Variants in SBK1 observed in about 807,000 individuals in gnomAD.
SBK1 encodes the protein SH3 domain binding kinase 1, also known as serine/threonine-protein kinase SBK1.
SBK1 carries 11 observed loss-of-function variants against 24.4 expected under a neutral mutation model. The observed-to-expected ratio is 0.45, with a 90% CI of 0.28 to 0.75. The LOEUF (loss-of-function observed/expected upper bound fraction) is 0.75. Among genes scored for constraint, SBK1 ranks in the 30% least tolerant of loss-of-function variants. The pLI is 0.12. For synonymous variants in SBK1, 308 were observed against 284.4 expected, an observed-to-expected ratio of 1.08 and a Z score of -0.83; for missense variants, 467 against 620.5, an observed-to-expected ratio of 0.75 and a Z score of 2.63.
intron 1 of SBK1, among the ~76,000 whole-genome samples, chr16:28,264,838 C>T (rs924446866): frequency 4.0e-5 from 6 of 151,898 alleles, no homozygotes; most frequent in Non-Finnish European, 7.4e-5. Context: ...GAGAAGCCAG[C>T]GAGGGAGGCA....
At chr16:28,271,196 T>G (rs1013361028) in intron 1 of SBK1, among the ~76,000 whole-genome samples, 3 of 152,092 alleles carry the variant, frequency 2.0e-5, no homozygotes, top group Non-Finnish European at 4.4e-5. Flanking sequence ...TACTGGAGGA[T>G]GTACTCCACT....
intron 1 of SBK1, among the ~76,000 whole-genome samples, chr16:28,279,139 G>A (rs1288677368): frequency 4.0e-5 from 6 of 151,660 alleles, no homozygotes; most frequent in Non-Finnish European, 8.8e-5. Flanking sequence ...CCCAAGAGGC[G>A]GAGGTTGCAG....
intron 1 of SBK1, among the ~76,000 whole-genome samples, chr16:28,262,473 C>G (rs907294239): frequency 2.6e-5 from 4 of 152,108 alleles, no homozygotes; most frequent in Admixed American, 2.6e-4. Flanking sequence ...CAGTTCACTC[C>G]TTTGTGGATT....
chr16:28,259,518 TG>T lies in SBK1; in HGVS notation c.257+18del. On this transcript the variant is annotated intron_variant, in intron 1 of 3. Coordinates refer to the SBK1 transcript ENST00000671413. The surrounding 1 kb of genome is among the most constrained non-coding windows in gnomAD (Gnocchi z 6.0). ...CATTGCGGAGGTCAGTGCTCGTGGG[TG>T]GCCAGTGGGTGGGCAGCAGGTGGGC... is the stretch of plus-strand genomic sequence containing the variant. 3 of 950,160 alleles carry T rather than the reference TG, an allele frequency of 3.2e-6. No homozygotes were observed. The highest frequency in any genetic ancestry group is 3.8e-6 in the Non-Finnish European group (3 of 797,750). 58.9% of individuals were successfully genotyped at this position (950,160 alleles called of 1,614,324 possible).
chr16:28,317,329 G>T lies in SBK1; in HGVS notation c.-7-56G>T. ...GGTTCTGGGGAGGGCAGAGGGGCTG[G>T]AGGAGGGGACCCTTGCCTGATGTCA... On this transcript the variant is annotated intron_variant, in intron 1 of 3. Coordinates refer to ENST00000341901, the MANE Select transcript of SBK1 (RefSeq NM_001024401.3). The surrounding 1 kb of genome is among the most constrained non-coding windows in gnomAD (Gnocchi z 4.2). The T allele has an allele frequency of 3.6e-6, 5 of 1,376,662 alleles. No individual in the cohort carries two copies. The highest frequency in any genetic ancestry group is 5.1e-6 in the Non-Finnish European group (5 of 972,948). The allele number at this position is 1,376,662 out of a possible 1,614,324, so 85.3% of individuals were successfully genotyped here. A position where few individuals can be genotyped will look rare whatever the true frequency, so the allele number is the denominator to read the frequency against.
intron 1 of SBK1, among the ~76,000 whole-genome samples, chr16:28,270,585 C>T (rs146222632): frequency 0.015 from 2,304 of 151,770 alleles, 66 homozygotes; most frequent in African/African-American, 0.053. Flanking sequence ...CCACCACACC[C>T]GGCCAATTTT....
chr16:28,279,259 C>T (rs191059251), intron 1 of SBK1, among the ~76,000 whole-genome samples: 12 of 150,882 alleles, frequency 8.0e-5, no homozygotes, highest in Middle Eastern at 6.9e-3. Context: ...CACAGCTGGG[C>T]GCTATGGCTC....
chr16:28,262,320 G>A (rs1192447138), intron 1 of SBK1, among the ~76,000 whole-genome samples: 4 of 152,238 alleles, frequency 2.6e-5, no homozygotes, highest in Non-Finnish European at 1.5e-5. Flanking sequence ...ACGTTTAGCA[G>A]CCCTGGGCAG....
Position 28,320,174 on chromosome 16 carries a change from G to A in SBK1, c.528G>A (p.Lys176=), listed in dbSNP as rs762445256. The A allele has an allele frequency of 4.4e-6, 7 of 1,590,974 alleles. No individual in the cohort carries two copies. In the African/African-American group the frequency reaches 8.0e-5, roughly 18 times the overall value. Residue 176 remains lysine (K), a synonymous_variant, in exon 4 of 4, where the codon AAG becomes AAA. Coordinates refer to ENST00000341901, the MANE Select transcript of SBK1 (RefSeq NM_001024401.3). The surrounding 1 kb of genome is among the most constrained non-coding windows in gnomAD (Gnocchi z 8.5). ...GGCAGCTGGTGCACCGCGACATCAA[G>A]CCCGAGAACGTGCTGCTGTTCGACC... ...HGRQLVHRDI[K]PENVLLFDRE...
intron 1 of SBK1, among the ~76,000 whole-genome samples, chr16:28,267,876 A>G (rs1429955759): frequency 1.3e-5 from 2 of 152,214 alleles, no homozygotes; most frequent in Non-Finnish European, 2.9e-5. Context: ...GGCCAGGCGC[A>G]GTGGCTCGTG....
intron 1 of SBK1, among the ~76,000 whole-genome samples, chr16:28,270,021 C>T (rs1392862838): frequency 6.6e-6 from 1 of 152,142 alleles, no homozygotes; most frequent in African/African-American, 2.4e-5. Context: ...GACTTCTCAA[C>T]AGCAATCCTG....
chr16:28,284,238 T>C (rs1255187118), intron 1 of SBK1, among the ~76,000 whole-genome samples: 1 of 152,240 alleles, frequency 6.6e-6, no homozygotes, highest in Non-Finnish European at 1.5e-5. Context: ...AACTAGGACA[T>C]CATTAAAGCC....
chr16:28,282,780 C>T (rs1382416335), intron 1 of SBK1, among the ~76,000 whole-genome samples: 1 of 151,836 alleles, frequency 6.6e-6, no homozygotes, highest in Admixed American at 6.6e-5. Flanking sequence ...AGGGGCTAAA[C>T]TCCAAGGACC....
intron 1 of SBK1, among the ~76,000 whole-genome samples, chr16:28,284,411 C>CA (rs1258858645): frequency 6.6e-6 from 1 of 152,238 alleles, no homozygotes; most frequent in African/African-American, 2.4e-5. Flanking sequence ...CCTGCTCCCC[C>CA]AGCACACACC....
chr16:28,262,628 T>C (rs1485552611), intron 1 of SBK1, among the ~76,000 whole-genome samples: 1 of 152,164 alleles, frequency 6.6e-6, no homozygotes, highest in African/African-American at 2.4e-5. Context: ...TGTGCTATAA[T>C]AGAGGTGTGA....
At chr16:28,304,382 G>A (rs574592282) in intron 1 of SBK1, among the ~76,000 whole-genome samples, 3 of 152,204 alleles carry the variant, frequency 2.0e-5, no homozygotes, top group African/African-American at 4.8e-5. Context: ...CTGGCGCTGC[G>A]AACCAGAGAC....
intron 1 of SBK1, among the ~76,000 whole-genome samples, chr16:28,281,526 C>T (rs746012508): frequency 3.3e-5 from 5 of 152,040 alleles, no homozygotes; most frequent in South Asian, 4.2e-4. Context: ...AAAATGGAAT[C>T]GGGTGGGAGG....
rs2044611471 is a variant in SBK1 at position 28,292,909 on chromosome 16, G to T, written c.-399G>T. 1.0e-6 allele frequency: 1 copy of T among 975,006 alleles called. No individual in the cohort carries two copies. The highest frequency in any genetic ancestry group is 1.8e-5 in the African/African-American group (1 of 55,974). The allele number at this position is 975,006 out of a possible 1,614,324, so 60.4% of individuals were successfully genotyped here. On this transcript the variant is annotated 5_prime_UTR_variant, in exon 1 of 4. Transcript: ENST00000341901. ...GCACCGCAAGGACTCCCCCTCCTCA[G>T]TCTGGGCCCCCGCCCCAAGACCTAG...
chr16:28,299,665 C>T (rs893024321), intron 1 of SBK1, among the ~76,000 whole-genome samples: 2 of 152,158 alleles, frequency 1.3e-5, no homozygotes, highest in South Asian at 2.1e-4. Context: ...GAACAGTGTG[C>T]GATGCTGCCA....
Sources: allele counts gnomAD v4.1 joint callset (sites outside exome capture counted in the v4.1 genomes callset), GRCh38; gene constraint gnomAD v4.1.1; non-coding constraint Gnocchi (gnomAD v3.1); transcripts MANE v1.5; gene names NCBI Gene and HGNC (gene_info 2026-07-23, HGNC 2026-07-21).